CELA3B: variants seen among roughly 807,000 people sequenced by gnomAD.
The protein encoded by CELA3B is chymotrypsin like elastase 3B.
In CELA3B, 34 loss-of-function variants were observed where a neutral mutation model predicts 37.2. The ratio of observed to expected loss-of-function variants is 0.91; its 90% CI spans 0.70 to 1.22. The LOEUF is 1.22. Among genes scored for constraint, CELA3B ranks in the 50% most tolerant of loss-of-function variants. The probability of loss-of-function intolerance (pLI) is 0.00; values close to 1 mark genes in which losing one functional copy is unlikely to be tolerated. For synonymous variants in CELA3B, 127 were observed against 143.5 expected (o/e 0.89, Z 0.82); for missense variants, 340 against 363.1 (o/e 0.94, Z 0.52).
At chr1:21,993,663 C>T (rs1408617922), downstream of CELA3B, among the ~76,000 whole-genome samples, 2 of 147,544 alleles carry the variant, frequency 1.4e-5, no homozygotes, top group African/African-American at 5.1e-5. Flanking sequence ...CGCACCTCAA[C>T]CTCCCAAGTA....
intron 7 of CELA3B, chr1:21,987,414 T>C (rs1384388246): frequency 6.6e-6 from 1 of 150,486 alleles, no homozygotes; most frequent in African/African-American, 2.6e-5. Flanking sequence ...ATCATACCAC[T>C]GCACTGCAGC....
At chr1:21,980,784 G>A (rs1217415166) in intron 2 of CELA3B, 40 bp from the exon 3 acceptor site, 1 of 1,417,226 alleles carries the variant, frequency 7.1e-7, no homozygotes, top group East Asian at 2.3e-5. Context: ...TCTCATGGTG[G>A]GGCCCAGCCC....
chr1:21,980,748 CA>C, intron 2 of CELA3B, 75 bp from the exon 3 acceptor site: 1 of 1,042,732 alleles, frequency 9.6e-7, no homozygotes, highest in South Asian at 1.4e-5. Flanking sequence ...GCACAGTGCA[CA>C]ACCTATACAG....
chr1:21,981,084 G>A lies in CELA3B; in HGVS notation c.274G>A (p.Val92Met). The A allele has an allele frequency of 6.2e-7, 1 of 1,613,910 alleles. No homozygotes were observed. Among genetic ancestry groups the A allele is most frequent in the African/African-American group, 1.3e-5 (1 of 75,050 alleles). ...QVVLGEYDRA[V>M]KEGPEQVIPI... ...GGTGTTGGGCGAGTACGACCGTGCT[G>A]TGAAGGAGGGCCCCGAGCAGGTGAT... Residue 92 changes from valine (V) to methionine (M), a missense_variant, in exon 4 of 8, where the codon GTG becomes ATG. Physicochemically the swap from Val to Met is conservative, Grantham distance 21 (BLOSUM62 1). Transcript: ENST00000337107.
At position 21,983,838 on chromosome 1, in the gene CELA3B, C is replaced by T. The variant is rs1240948070; in HGVS notation, c.499+8C>T. 1.2e-6 allele frequency: 2 copies of T among 1,613,558 alleles called. No homozygotes were observed. Among genetic ancestry groups the T allele is most frequent in the Non-Finnish European group, 1.7e-6 (2 of 1,179,702 alleles). ...GCTGGGGCCGTCTCTATAGTACGTG[C>T]TGACTTCTCTAGCTGGCCACAGGGA... is the stretch of plus-strand genomic sequence containing the variant. On this transcript the variant is annotated splice_region_variant and intron_variant, in intron 5 of 7. Coordinates refer to ENST00000337107, the MANE Select transcript of CELA3B (RefSeq NM_007352.4).
chr1:21,997,632 T>C (rs1310570741), intron 4 of CELA3B, among the ~76,000 whole-genome samples: 1 of 149,650 alleles, frequency 6.7e-6, no homozygotes, highest in East Asian at 2.0e-4. Context: ...AAGGTGGCAG[T>C]GAGCCGAGAT....
At chr1:21,983,518 A>AACAGATGGAGACTCT (rs1489073445) in intron 4 of CELA3B, among the ~76,000 whole-genome samples, 176 bp from the exon 5 acceptor site, 1 of 150,056 alleles carries the variant, frequency 6.7e-6, no homozygotes, top group Non-Finnish European at 1.5e-5. Flanking sequence ...CAGCCTGGGC[A>AACAGATGGAGACTCT]ACAGATGGAG....
In CELA3B at chr1:21,994,399, C is replaced by T. The variant is rs1184065849; in HGVS notation, c.505-3752C>T. On this transcript the variant is annotated intron_variant, in intron 4 of 4. Coordinates refer to the CELA3B transcript ENST00000400277. ...GCTACCAGCATCTCCTCTCTCTGTC[C>T]TACCATCTTGGGAGGGAGCTGTACT... Among the ~76,000 whole-genome samples, 2 of 151,120 alleles carry T rather than the reference C, an allele frequency of 1.3e-5. 1 individual carries two copies. The highest frequency in any genetic ancestry group is 4.9e-5 in the African/African-American group (2 of 40,784).
intron 3 of CELA3B, 22 bp from the exon 4 acceptor site, chr1:21,981,016 C>G: frequency 1.2e-6 from 2 of 1,614,132 alleles, no homozygotes; most frequent in Non-Finnish European, 1.7e-6. Context: ...CAGGCCCAGA[C>G]TGACCTCACC....
At chr1:21,991,845 C>T (rs572620690), downstream of CELA3B, among the ~76,000 whole-genome samples, 55 of 150,850 alleles carry the variant, frequency 3.6e-4, 1 homozygote, top group African/African-American at 1.3e-3. Context: ...GTGGGCTGGG[C>T]GCAGTGGCTC....
At chr1:21,996,228 A>G (rs549522429) in intron 4 of CELA3B, among the ~76,000 whole-genome samples, 1 of 151,228 alleles carries the variant, frequency 6.6e-6, no homozygotes, top group Admixed American at 6.6e-5. Flanking sequence ...CCTGGGCTGC[A>G]TTCCCAGACA....
In CELA3B at chr1:21,981,089, G is replaced by T. The variant is rs115521366; in HGVS notation, c.279G>T (p.Lys93Asn). The change falls in exon 4 of 8, where the codon AAG (lysine) becomes AAT (asparagine). Residue 93 changes from lysine (K) to asparagine (N), a missense_variant. Physicochemically the swap from Lys to Asn is moderately conservative, Grantham distance 94. Coordinates refer to ENST00000337107, the MANE Select transcript of CELA3B (RefSeq NM_007352.4). ...VVLGEYDRAVKEGPEQVIPIN... is the reference protein window; with the variant it reads ...VVLGEYDRAVNEGPEQVIPIN... Reference sequence around the variant, plus strand: ...TGGGCGAGTACGACCGTGCTGTGAAGGAGGGCCCCGAGCAGGTGATCCCCA... The same window carrying T: ...TGGGCGAGTACGACCGTGCTGTGAATGAGGGCCCCGAGCAGGTGATCCCCA... 4.3e-4 allele frequency: 695 copies of T among 1,613,792 alleles called. 4 individuals carry two copies. The African/African-American group carries it at 8.1e-3, about 19-fold the overall frequency.
chr1:21,993,687 G>C (rs1208495745), downstream of CELA3B, among the ~76,000 whole-genome samples: 1 of 145,314 alleles, frequency 6.9e-6, no homozygotes, highest in Non-Finnish European at 1.5e-5. Context: ...GGGACTACAG[G>C]TGCATGCTAC....
At chr1:21,977,512 C>G (rs1477568250) in intron 1 of CELA3B, among the ~76,000 whole-genome samples, 23 of 152,168 alleles carry the variant, frequency 1.5e-4, no homozygotes, top group Non-Finnish European at 3.2e-4. Flanking sequence ...CTCTTCCAAG[C>G]AGCCTCCCTT....
intron 4 of CELA3B, among the ~76,000 whole-genome samples, chr1:21,982,953 A>AT (rs1350605772): frequency 6.6e-6 from 1 of 152,190 alleles, no homozygotes; most frequent in African/African-American, 2.4e-5. Flanking sequence ...CCTCCAGGTG[A>AT]TTCTGATACA....
chr1:21,987,673 T>G (rs1422112183), intron 7 of CELA3B: 1 of 150,496 alleles, frequency 6.6e-6, no homozygotes, highest in Non-Finnish European at 1.5e-5. Flanking sequence ...CTGTCCCAGG[T>G]CAGAAACAGA....
intron 4 of CELA3B, among the ~76,000 whole-genome samples, chr1:21,995,073 A>G (rs72875549): frequency 0.11 from 16,775 of 146,304 alleles, 3,408 homozygotes; most frequent in African/African-American, 0.39. Context: ...TGCATCTGAA[A>G]ATATTTGTAT....
intron 2 of CELA3B, among the ~76,000 whole-genome samples, chr1:21,979,241 T>C (rs61776320): frequency 0.46 from 69,141 of 150,010 alleles, 19,120 homozygotes; most frequent in Middle Eastern, 0.69. Flanking sequence ...CCCGGCTAAT[T>C]CTGTATTTTT....
At chr1:21,984,069 G>A (rs1174054933) in intron 5 of CELA3B, 120 bp from the exon 6 acceptor site, 6 of 1,331,358 alleles carry the variant, frequency 4.5e-6, no homozygotes, top group Non-Finnish European at 5.2e-6. Flanking sequence ...GGACCATTTA[G>A]CGGGTGGGAG....
Sources: allele counts gnomAD v4.1 joint callset (sites outside exome capture counted in the v4.1 genomes callset), GRCh38; gene constraint gnomAD v4.1.1; transcripts MANE v1.5; gene names NCBI Gene and HGNC (gene_info 2026-07-23, HGNC 2026-07-21).